The following RFX8 variants were observed in gnomAD, a reference collection of about 807,000 sequenced individuals.
RFX8 encodes DNA-binding protein RFX8.
Under a neutral mutation model 54.6 loss-of-function variants are expected in RFX8, and 46 were observed. The observed-to-expected ratio is 0.84, with a 90% CI of 0.67 to 1.08. The LOEUF is 1.08. Among genes scored for constraint, RFX8 ranks in the 50% least tolerant of loss-of-function variants. The probability of loss-of-function intolerance (pLI) is 0.00; values close to 1 mark genes in which losing one functional copy is unlikely to be tolerated. For synonymous variants in RFX8, 192 were observed against 209.5 expected, an observed-to-expected ratio of 0.92 and a Z score of 0.72; for missense variants, 536 against 562.3, an observed-to-expected ratio of 0.95 and a Z score of 0.47.
At chr2:101,451,140 G>A (rs1408080948) in intron 2 of RFX8, among the ~76,000 whole-genome samples, 3 of 152,122 alleles carry the variant, frequency 2.0e-5, no homozygotes, top group African/African-American at 7.2e-5. Flanking sequence ...GCTAAGCCCA[G>A]GGGACTATAG....
At chr2:101,430,786 T>C (rs2037083) in intron 2 of RFX8, among the ~76,000 whole-genome samples, 111,834 of 152,072 alleles carry the variant, frequency 0.74, 42,585 homozygotes, top group Middle Eastern at 0.88. Flanking sequence ...GCCACAGATT[T>C]TGGGACATTA....
At chr2:101,468,468 T>A (rs1689706563) in intron 1 of RFX8, among the ~76,000 whole-genome samples, 1 of 152,148 alleles carries the variant, frequency 6.6e-6, no homozygotes, top group South Asian at 2.1e-4. Flanking sequence ...TTGCATTTTT[T>A]TAGTAGAGAC....
intron 2 of RFX8, among the ~76,000 whole-genome samples, chr2:101,450,860 T>C (rs970119273): frequency 6.6e-6 from 1 of 152,188 alleles, no homozygotes; most frequent in Admixed American, 6.5e-5. Context: ...GACAGGCAAC[T>C]TCATACACTT....
chr2:101,422,518 T>A (rs1163986535), intron 2 of RFX8, 46 bp from the exon 3 acceptor site: 4 of 1,133,510 alleles, frequency 3.5e-6, no homozygotes, highest in East Asian at 2.6e-5. Context: ...AATACAATAC[T>A]TTTTTTGGCA....
At chr2:101,414,430 T>A (rs1686359575) in intron 7 of RFX8, among the ~76,000 whole-genome samples, 1 of 87,848 alleles carries the variant, frequency 1.1e-5, no homozygotes, top group South Asian at 5.3e-4. Context: ...CATGCCCAGC[T>A]AGTTTTTGTA....
intron 2 of RFX8, among the ~76,000 whole-genome samples, chr2:101,451,559 G>A (rs529667957): frequency 1.7e-3 from 265 of 151,708 alleles, no homozygotes; most frequent in African/African-American, 6.2e-3. Flanking sequence ...CGTGGTGGCA[G>A]GCGCCTGTAA....
Position 101,417,702 on chromosome 2 carries a change from A to G in RFX8, c.352-18T>C. On this transcript the variant is annotated intron_variant, in intron 5 of 11. Coordinates refer to ENST00000428343, the MANE Select transcript of RFX8 (RefSeq NM_001145664.2). ...TCAATTCCCTACAACAAAAGTAACA[A>G]GACACTATGATTCTGCTGATGGTGC... is the stretch of plus-strand genomic sequence containing the variant. The G allele has an allele frequency of 6.5e-7, 1 of 1,539,202 alleles. No homozygotes were observed. Among genetic ancestry groups the G allele is most frequent in the Non-Finnish European group, 8.8e-7 (1 of 1,140,316 alleles).
intron 8 of RFX8, among the ~76,000 whole-genome samples, chr2:101,412,385 A>G (rs544873803): frequency 6.6e-6 from 1 of 152,328 alleles, no homozygotes; most frequent in South Asian, 2.1e-4. Flanking sequence ...GACAATGATC[A>G]ATAGCAAATG....
intron 2 of RFX8, among the ~76,000 whole-genome samples, chr2:101,427,651 C>T (rs79059230): frequency 0.029 from 4,351 of 152,172 alleles, 232 homozygotes; most frequent in East Asian, 0.17. Flanking sequence ...CAGTGGGAAC[C>T]GCACTCTTCA....
chr2:101,463,623 G>A (rs138051390), intron 2 of RFX8, among the ~76,000 whole-genome samples: 6 of 152,320 alleles, frequency 3.9e-5, no homozygotes, highest in Non-Finnish European at 5.9e-5. Flanking sequence ...ACTGAAAAGG[G>A]TGTTTCACCA....
chr2:101,401,840 C>T (rs1392260184), intron 11 of RFX8, among the ~76,000 whole-genome samples: 3 of 152,164 alleles, frequency 2.0e-5, no homozygotes, highest in East Asian at 3.8e-4. Flanking sequence ...ACTATTTCCT[C>T]GCATTTCCTT....
intron 2 of RFX8, among the ~76,000 whole-genome samples, chr2:101,440,545 G>A (rs34387971): frequency 0.76 from 114,387 of 151,372 alleles, 44,152 homozygotes; most frequent in Middle Eastern, 0.88. Context: ...TCATTGCTGG[G>A]GGAGGAGTGA....
rs556924168 is a variant in RFX8, at chr2:101,436,214, G to C, written c.73-13742C>G. Among the ~76,000 whole-genome samples the C allele has an allele frequency of 2.0e-5, 3 of 152,286 alleles. No homozygotes were observed. In the South Asian group the frequency reaches 6.2e-4, roughly 32 times the overall value. ...GGGAGGAGATAAGGGCTTATCTTGA[G>C]ACTACATTTATTTTAATTAGATTCT... is the stretch of plus-strand genomic sequence containing the variant. On this transcript the variant is annotated intron_variant, in intron 2 of 11. Coordinates refer to ENST00000428343, the MANE Select transcript of RFX8 (RefSeq NM_001145664.2).
In RFX8 at chr2:101,421,760, G is replaced by A. The variant is rs369894843; in HGVS notation, c.201C>T (p.Asp67=). 1.5e-5 allele frequency: 23 copies of A among 1,549,650 alleles called. No individual in the cohort carries two copies. Among genetic ancestry groups the A allele is most frequent in the Admixed American group, 2.0e-5 (1 of 50,588 alleles). Residue 67 remains aspartate (D), a synonymous_variant, in exon 4 of 12, where the codon GAC becomes GAT. Coordinates refer to ENST00000428343, the MANE Select transcript of RFX8 (RefSeq NM_001145664.2). ...TGTCTCGACAATAGTTGCAGTATTC[G>A]TCAGCAAGGAAGGCCATCTAGGAAG... ...YSCNMMAFLA[D]EYCNYCRDIL... is the part of the protein sequence containing the mutation.
intron 2 of RFX8, among the ~76,000 whole-genome samples, chr2:101,438,290 T>A (rs935101049): frequency 8.5e-5 from 13 of 152,220 alleles, no homozygotes; most frequent in African/African-American, 3.1e-4. Context: ...ATTATGTATG[T>A]TGTTGCAAAT....
intron 2 of RFX8, among the ~76,000 whole-genome samples, chr2:101,429,773 A>G (rs1219928560): frequency 6.6e-6 from 1 of 152,188 alleles, no homozygotes; most frequent in Admixed American, 6.5e-5. Flanking sequence ...CTACCTGAAC[A>G]TAAAAAAGAG....
At chr2:101,419,738 G>A (rs1686750959) in intron 4 of RFX8, among the ~76,000 whole-genome samples, 1 of 152,212 alleles carries the variant, frequency 6.6e-6, no homozygotes, top group South Asian at 2.1e-4. Context: ...ATGGAAGTTA[G>A]GGTCAACTCC....
At chr2:101,429,390 T>C (rs185641451) in intron 2 of RFX8, among the ~76,000 whole-genome samples, 1 of 152,288 alleles carries the variant, frequency 6.6e-6, no homozygotes, top group East Asian at 1.9e-4. Context: ...ATCCTCTAAA[T>C]TGATGGATGT....
At chr2:101,446,059 G>C (rs1688359670) in intron 2 of RFX8, among the ~76,000 whole-genome samples, 1 of 10,926 alleles carries the variant, frequency 9.2e-5, no homozygotes, top group Non-Finnish European at 5.7e-4. Flanking sequence ...ATACACTTTT[G>C]TATGTTCTGA....
Sources: gnomAD v4.1 joint callset for allele counts (sites outside exome capture counted in the v4.1 genomes callset) on GRCh38, gnomAD v4.1.1 for gene constraint, MANE v1.5 for transcripts, NCBI Gene and HGNC (gene_info 2026-07-23, HGNC 2026-07-21) for gene names.